The following LRRC53 variants were observed in gnomAD, a reference collection of about 807,000 sequenced individuals.
The protein encoded by LRRC53 is leucine rich repeat containing 53.
Under a neutral mutation model 13.6 loss-of-function variants are expected in LRRC53, and 25 were observed. The observed-to-expected ratio is 1.83, with a 90% CI of 1.34 to 2.56. The LOEUF (loss-of-function observed/expected upper bound fraction) is 2.56. LRRC53 is among the 30% of genes most tolerant of loss of function. The pLI is 0.00. For synonymous variants in LRRC53, 204 were observed against 109.8 expected (o/e 1.86, Z -5.37); for missense variants, 527 against 275.8 (o/e 1.91, Z -6.45).
intron 1 of LRRC53, among the ~76,000 whole-genome samples, chr1:74,509,421 G>A (rs1041510280): frequency 1.3e-5 from 2 of 152,136 alleles, no homozygotes; most frequent in African/African-American, 4.8e-5. Context: ...CATAACAATA[G>A]AAAAGATTTA....
intron 1 of LRRC53, among the ~76,000 whole-genome samples, chr1:74,483,761 A>G (rs1038977457): frequency 2.6e-5 from 4 of 152,168 alleles, no homozygotes; most frequent in African/African-American, 9.7e-5. Context: ...CCTAAATCAC[A>G]TAGCGGGTAG....
Position 74,471,880 on chromosome 1 carries a change from T to C in LRRC53, c.1742A>G (p.Gln581Arg). The C allele has an allele frequency of 2.2e-6, 1 of 455,462 alleles. No individual in the cohort carries two copies. Among genetic ancestry groups the C allele is most frequent in the Non-Finnish European group, 3.9e-6 (1 of 257,854 alleles). 28.2% of individuals were successfully genotyped at this position (455,462 alleles called of 1,614,324 possible). Residue 581 changes from glutamine to arginine, a missense_variant, in exon 5 of 5, where the codon CAA becomes CGA. Physicochemically the swap from Gln to Arg is conservative, Grantham distance 43. Transcript: ENST00000294635. ...CTTTTCTTTCATGTAATCTTCAAAT[T>C]GCTCACAGGGCACATATTTACAGAT... ...SLICKYVPCEQFEDYMKEKKP... is the reference protein window; with the variant it reads ...SLICKYVPCERFEDYMKEKKP...
At chr1:74,517,025 A>T (rs1216988372), upstream of LRRC53, among the ~76,000 whole-genome samples, 1 of 152,228 alleles carries the variant, frequency 6.6e-6, no homozygotes, top group Non-Finnish European at 1.5e-5. Context: ...TCAAAAAAAT[A>T]AAAACAGAAA....
chr1:74,510,244 C>G (rs1195008851), intron 1 of LRRC53, among the ~76,000 whole-genome samples: 1 of 152,150 alleles, frequency 6.6e-6, no homozygotes, highest in Non-Finnish European at 1.5e-5. Context: ...CAGTGGCTCA[C>G]GCCTGTAATC....
upstream of LRRC53, among the ~76,000 whole-genome samples, chr1:74,516,908 T>C (rs1646356346): frequency 6.6e-6 from 1 of 152,186 alleles, no homozygotes; most frequent in Non-Finnish European, 1.5e-5. Flanking sequence ...AATTGTTAAC[T>C]ACATGATAGA....
chr1:74,511,448 T>G (rs1202843622), intron 1 of LRRC53, among the ~76,000 whole-genome samples: 1 of 152,184 alleles, frequency 6.6e-6, no homozygotes, highest in East Asian at 1.9e-4. Flanking sequence ...TTCACTCTTA[T>G]TTTCTTTATT....
chr1:74,478,045 G>T (rs1011035984), intron 3 of LRRC53, among the ~76,000 whole-genome samples: 2 of 152,022 alleles, frequency 1.3e-5, no homozygotes, highest in Non-Finnish European at 2.9e-5. Context: ...TATGTTCTTT[G>T]GAATTTTTAT....
intron 1 of LRRC53, among the ~76,000 whole-genome samples, chr1:74,490,247 A>G (rs1288319783): frequency 6.6e-6 from 1 of 152,148 alleles, no homozygotes; most frequent in Non-Finnish European, 1.5e-5. Context: ...CTTATTCAGT[A>G]CTGGGACTTA....
At chr1:74,485,850 T>G (rs540158076) in intron 1 of LRRC53, among the ~76,000 whole-genome samples, 2 of 152,108 alleles carry the variant, frequency 1.3e-5, no homozygotes, top group Non-Finnish European at 2.9e-5. Flanking sequence ...AAAACAGACA[T>G]GTGTCATACA....
chr1:74,533,487 T>C, the LRRC53 span, among the ~76,000 whole-genome samples: 1 of 152,096 alleles, frequency 6.6e-6, no homozygotes, highest in African/African-American at 2.4e-5. Context: ...GTTCAACCAT[T>C]GTGGAAGTCA....
chr1:74,523,168 T>C, the LRRC53 span, among the ~76,000 whole-genome samples: 2 of 152,178 alleles, frequency 1.3e-5, no homozygotes, highest in Non-Finnish European at 2.9e-5. Flanking sequence ...AAGAAAACAA[T>C]ATATATAATA....
intron 1 of LRRC53, chr1:74,492,236 A>G: frequency 6.2e-7 from 1 of 1,611,662 alleles, no homozygotes; most frequent in Non-Finnish European, 8.5e-7. Flanking sequence ...TATGCTCTAA[A>G]TGCAAGGTCC....
chr1:74,522,254 A>C, the LRRC53 span, among the ~76,000 whole-genome samples: 1 of 152,204 alleles, frequency 6.6e-6, no homozygotes, highest in Admixed American at 6.5e-5. Context: ...TTTAGGACAG[A>C]TCTGCTCTTG....
chr1:74,513,946 G>A (rs1477013205), upstream of LRRC53, among the ~76,000 whole-genome samples: 1 of 152,170 alleles, frequency 6.6e-6, no homozygotes, highest in Non-Finnish European at 1.5e-5. Flanking sequence ...AGACTAAGGG[G>A]AGTAAATAAT....
the LRRC53 span, among the ~76,000 whole-genome samples, chr1:74,526,821 A>G: frequency 6.6e-6 from 1 of 152,318 alleles, no homozygotes; most frequent in South Asian, 2.1e-4. Flanking sequence ...GACACTCTAA[A>G]GAAGAGATTG....
At chr1:74,474,448 T>C (rs1489398706) in intron 4 of LRRC53, among the ~76,000 whole-genome samples, 1 of 152,132 alleles carries the variant, frequency 6.6e-6, no homozygotes, top group East Asian at 1.9e-4. Context: ...GTTTTATTCT[T>C]ATCCAGTCGC....
the LRRC53 span, among the ~76,000 whole-genome samples, chr1:74,529,858 C>T: frequency 6.6e-6 from 1 of 152,142 alleles, no homozygotes; most frequent in Non-Finnish European, 1.5e-5. Context: ...CCTGGATGAC[C>T]CCACCCCTTG....
chr1:74,496,747 A>G (rs959961417), intron 1 of LRRC53, among the ~76,000 whole-genome samples: 2 of 152,180 alleles, frequency 1.3e-5, no homozygotes, highest in Non-Finnish European at 2.9e-5. Context: ...GCACTCTTGA[A>G]GTTCTGCCTC....
At chr1:74,485,855 C>T (rs1262143240) in intron 1 of LRRC53, among the ~76,000 whole-genome samples, 1 of 152,066 alleles carries the variant, frequency 6.6e-6, no homozygotes, top group Non-Finnish European at 1.5e-5. Flanking sequence ...AGACATGTGT[C>T]ATACAACCAC....
Sources: gnomAD v4.1 joint callset for allele counts (sites outside exome capture counted in the v4.1 genomes callset) on GRCh38, gnomAD v4.1.1 for gene constraint, MANE v1.5 for transcripts, NCBI Gene and HGNC (gene_info 2026-07-23, HGNC 2026-07-21) for gene names.